SATB2: variants seen among roughly 807,000 people sequenced by gnomAD.
SATB2 encodes DNA-binding protein SATB2.
Under a neutral mutation model 73.4 loss-of-function variants are expected in SATB2, and 1 was observed. That is an observed-to-expected ratio of 0.01 (90% CI 0.00 to 0.06). SATB2 has a LOEUF of 0.06. Ranked by LOEUF, SATB2 falls within the 10% of genes least tolerant of loss-of-function variation. The pLI is 1.00. For synonymous variants in SATB2, 397 were observed against 367.0 expected (o/e 1.08, Z -0.93); for missense variants, 459 against 945.8 (o/e 0.49, Z 6.75).
intron 3 of SATB2, chr2:199,395,892 C>T (rs955589492): frequency 5.3e-5 from 8 of 152,164 alleles, no homozygotes; most frequent in African/African-American, 9.7e-5. Flanking sequence ...AGCAAACCCA[C>T]GTAAAAGACT....
chr2:199,388,627 G>A (rs1211743384), intron 3 of SATB2, among the ~76,000 whole-genome samples: 1 of 151,964 alleles, frequency 6.6e-6, no homozygotes, highest in Non-Finnish European at 1.5e-5. Flanking sequence ...TTTATTCCAG[G>A]TGCATTTTAA....
chr2:199,427,949 T>C (rs1286641569), intron 3 of SATB2, among the ~76,000 whole-genome samples: 1 of 152,160 alleles, frequency 6.6e-6, no homozygotes, highest in Non-Finnish European at 1.5e-5. Flanking sequence ...GCATTCATTT[T>C]TTATAAAAAT....
At chr2:199,354,168 A>G (rs1688905593) in intron 6 of SATB2, among the ~76,000 whole-genome samples, 1 of 151,942 alleles carries the variant, frequency 6.6e-6, no homozygotes, top group African/African-American at 2.4e-5. Context: ...GACCAGCCTG[A>G]CCAACATGAT....
chr2:199,419,040 C>G (rs757692201), intron 3 of SATB2, among the ~76,000 whole-genome samples: 3 of 152,222 alleles, frequency 2.0e-5, no homozygotes, highest in Non-Finnish European at 1.5e-5. Context: ...CTCTCCCACA[C>G]AGACAACCAT....
chr2:199,394,120 T>C (rs1690231025), intron 3 of SATB2, among the ~76,000 whole-genome samples: 1 of 152,210 alleles, frequency 6.6e-6, no homozygotes, highest in African/African-American at 2.4e-5. Flanking sequence ...GACACGATAC[T>C]CTCAGATCAA....
At chr2:199,356,225 C>CAAAAAAAA (rs200509001) in intron 6 of SATB2, among the ~76,000 whole-genome samples, 267 of 100,484 alleles carry the variant, frequency 2.7e-3, no homozygotes, top group East Asian at 6.3e-3. Context: ...GAACATAAGC[C>CAAAAAAAA]AAAAAAAAAA....
intron 3 of SATB2, among the ~76,000 whole-genome samples, chr2:199,432,629 A>ATTTTT (rs970861597): frequency 6.7e-6 from 1 of 148,538 alleles, no homozygotes; most frequent in Non-Finnish European, 1.5e-5. Flanking sequence ...CATCAGATCA[A>ATTTTT]TTTTTTTTTT....
upstream of SATB2, among the ~76,000 whole-genome samples, chr2:199,459,018 A>T (rs916696420): frequency 3.3e-5 from 5 of 152,070 alleles, no homozygotes; most frequent in Admixed American, 3.3e-4. The surrounding 1 kb of genome is among the most constrained non-coding windows in gnomAD (Gnocchi z 4.2). Flanking sequence ...TGGTGGATGC[A>T]GAGCGGGGTG....
chr2:199,323,412 G>A (rs1006548943), intron 9 of SATB2, among the ~76,000 whole-genome samples: 2 of 151,448 alleles, frequency 1.3e-5, no homozygotes, highest in African/African-American at 4.8e-5. Context: ...CAGGAAAGGT[G>A]ATGAGACTTG....
At chr2:199,454,741 C>A (rs754650155) in intron 2 of SATB2, among the ~76,000 whole-genome samples, 1 of 151,940 alleles carries the variant, frequency 6.6e-6, no homozygotes, top group Non-Finnish European at 1.5e-5. Flanking sequence ...GAAAAAAATA[C>A]GATTTTATAA....
chr2:199,456,310 C>T (rs1383902088), intron 1 of SATB2, among the ~76,000 whole-genome samples: 2 of 152,232 alleles, frequency 1.3e-5, no homozygotes, highest in African/African-American at 4.8e-5. Context: ...GCGACTCTGC[C>T]CAGTCGCAGC....
chr2:199,288,914 G>A (rs1477647202), intron 10 of SATB2, among the ~76,000 whole-genome samples: 1 of 152,172 alleles, frequency 6.6e-6, no homozygotes, highest in Non-Finnish European at 1.5e-5. Context: ...CTAGGGAGAG[G>A]CAGCAAAGAT....
At chr2:199,424,612 A>G (rs949013064) in intron 3 of SATB2, among the ~76,000 whole-genome samples, 1 of 152,230 alleles carries the variant, frequency 6.6e-6, no homozygotes, top group Non-Finnish European at 1.5e-5. Context: ...ATATACTAAC[A>G]TATGAAGTGA....
intron 6 of SATB2, among the ~76,000 whole-genome samples, chr2:199,365,252 A>C (rs1689249314): frequency 6.6e-6 from 1 of 151,806 alleles, no homozygotes; most frequent in South Asian, 2.1e-4. Flanking sequence ...TATGAGCTCT[A>C]CATTGTAAAA....
At chr2:199,426,315 G>T (rs576925284) in intron 3 of SATB2, among the ~76,000 whole-genome samples, 35 of 152,190 alleles carry the variant, frequency 2.3e-4, no homozygotes, top group African/African-American at 8.4e-4. Flanking sequence ...TTGAGATGCA[G>T]TCTTGCTCTG....
intron 10 of SATB2, among the ~76,000 whole-genome samples, chr2:199,306,543 G>A (rs1212127837): frequency 6.6e-6 from 1 of 152,106 alleles, no homozygotes. Flanking sequence ...AATGTTGATA[G>A]CCACAAGATG....
At position 199,385,231 on chromosome 2, in the gene SATB2, C is replaced by T. The variant is rs751897515; in HGVS notation, c.347-3411G>A. ...CTCACTGCAACCTCTGCCTCCCAGG[C>T]TCAAGCTAGCCTCCCACATCAGCCT... On this transcript the variant is annotated intron_variant, in intron 3 of 10. Coordinates refer to ENST00000417098, the MANE Select transcript of SATB2 (RefSeq NM_001172509.2). Among the ~76,000 whole-genome samples, 8 of 152,066 alleles carry T rather than the reference C, an allele frequency of 5.3e-5. No individual in the cohort carries two copies. In the South Asian group the frequency reaches 8.3e-4, roughly 16 times the overall value.
intron 3 of SATB2, among the ~76,000 whole-genome samples, chr2:199,428,436 A>G (rs1691399404): frequency 6.6e-6 from 1 of 152,226 alleles, no homozygotes; most frequent in African/African-American, 2.4e-5. Flanking sequence ...GCTTATGTCC[A>G]AAAGTAAAGA....
At chr2:199,447,725 C>G (rs1198644314) in intron 2 of SATB2, among the ~76,000 whole-genome samples, 2 of 143,914 alleles carry the variant, frequency 1.4e-5, no homozygotes, top group African/African-American at 4.9e-5. Flanking sequence ...TTGAACTTCC[C>G]AGGGAAGAAT....
Sources: allele counts gnomAD v4.1 joint callset (sites outside exome capture counted in the v4.1 genomes callset), GRCh38; gene constraint gnomAD v4.1.1; non-coding constraint Gnocchi (gnomAD v3.1); transcripts MANE v1.5; gene names NCBI Gene and HGNC (gene_info 2026-07-23, HGNC 2026-07-21).